The following OPN3 variants were observed in gnomAD, a reference collection of about 807,000 sequenced individuals.
The protein encoded by OPN3 is opsin-3.
Under a neutral mutation model 33.8 loss-of-function variants are expected in OPN3, and 29 were observed. The ratio of observed to expected loss-of-function variants is 0.86; its 90% CI spans 0.64 to 1.17. OPN3 has a LOEUF of 1.17. Ranked by LOEUF, OPN3 falls within the 50% of genes most tolerant of loss-of-function variation. The probability of loss-of-function intolerance (pLI) is 0.00; values close to 1 mark genes in which losing one functional copy is unlikely to be tolerated. For synonymous variants in OPN3, 216 were observed against 216.1 expected (o/e 1.00, Z 0.00); for missense variants, 437 against 514.1 (o/e 0.85, Z 1.45).
chr1:241,602,795 A>G (rs1663710272), intron 2 of OPN3, among the ~76,000 whole-genome samples: 1 of 152,112 alleles, frequency 6.6e-6, no homozygotes, highest in Non-Finnish European at 1.5e-5. Context: ...ATCCCCAAAT[A>G]CTGTCACATC....
intron 1 of OPN3, chr1:241,631,707 T>G (rs1464387481): frequency 1.3e-5 from 2 of 152,176 alleles, no homozygotes; most frequent in Non-Finnish European, 2.9e-5. Flanking sequence ...TTGTTAAAAT[T>G]TAGCCAAATT....
chr1:241,627,530 TAA>T (rs1664455101), intron 1 of OPN3, among the ~76,000 whole-genome samples: 1 of 152,194 alleles, frequency 6.6e-6, no homozygotes, highest in Non-Finnish European at 1.5e-5. Context: ...GAGGATCACA[TAA>T]GAAAATGTAG....
chr1:241,628,860 C>A (rs1469714115), intron 1 of OPN3: 1 of 152,428 alleles, frequency 6.6e-6, no homozygotes, highest in Non-Finnish European at 1.5e-5. Flanking sequence ...GTTCAGTAAA[C>A]CACTTTACCA....
chr1:241,607,673 GAAGA>G (rs1663874748), intron 1 of OPN3, among the ~76,000 whole-genome samples: 1 of 143,216 alleles, frequency 7.0e-6, no homozygotes, highest in African/African-American at 2.6e-5. Flanking sequence ...AAAGAAAAAG[GAAGA>G]AAGAGAGAAA....
At chr1:241,633,841 C>T in intron 1 of OPN3, 1 of 1,613,786 alleles carries the variant, frequency 6.2e-7, no homozygotes, top group Non-Finnish European at 8.5e-7. Flanking sequence ...TTTTGCTTTC[C>T]TCAGAGGATT....
intron 1 of OPN3, among the ~76,000 whole-genome samples, chr1:241,604,865 G>A (rs546753457): frequency 6.6e-6 from 1 of 152,052 alleles, no homozygotes; most frequent in South Asian, 2.1e-4. Context: ...AGACCAGCCT[G>A]GACAACATGG....
chr1:241,612,902 C>T (rs1489314289), intron 1 of OPN3, among the ~76,000 whole-genome samples: 2 of 152,144 alleles, frequency 1.3e-5, no homozygotes, highest in South Asian at 4.1e-4. Context: ...AAAATCCCAA[C>T]CCAGATCTCC....
chr1:241,636,370 T>C (rs1454120323), intron 1 of OPN3, among the ~76,000 whole-genome samples: 1 of 152,216 alleles, frequency 6.6e-6, no homozygotes, highest in East Asian at 1.9e-4. Context: ...AAGAAAACTA[T>C]CATGTGAATA....
chr1:241,626,662 G>A (rs777374107), intron 1 of OPN3, among the ~76,000 whole-genome samples: 12 of 152,060 alleles, frequency 7.9e-5, no homozygotes, highest in Non-Finnish European at 1.8e-4. Flanking sequence ...TACTGCAATG[G>A]TTACACAAGC....
At chr1:241,613,789 GTCT>G (rs939590058) in intron 1 of OPN3, among the ~76,000 whole-genome samples, 3 of 152,076 alleles carry the variant, frequency 2.0e-5, no homozygotes, top group African/African-American at 7.2e-5. Flanking sequence ...ATGTTCAGTA[GTCT>G]TCATATTTCG....
In OPN3 at chr1:241,640,303, G is replaced by C. The variant is rs1198123889; in HGVS notation, c.-49C>G. On this transcript the variant is annotated 5_prime_UTR_variant, in exon 1 of 4. Coordinates refer to ENST00000366554, the MANE Select transcript of OPN3 (RefSeq NM_014322.3). The stretch of plus-strand genomic sequence containing the variant: ...GGGCGGAGGCGCTCAGCTTGCGGCG[G>C]GGCTCGCGGCGCGCTCCGCACTGGG... The C allele has an allele frequency of 9.0e-7, 1 of 1,114,886 alleles. No individual in the cohort carries two copies. The highest frequency in any genetic ancestry group is 5.5e-5 in the East Asian group (1 of 18,136). The allele number at this position is 1,114,886 out of a possible 1,614,324, so 69.1% of individuals were successfully genotyped here.
At chr1:241,633,364 T>C (rs1031381000) in intron 1 of OPN3, 1 of 164,844 alleles carries the variant, frequency 6.1e-6, no homozygotes, top group Admixed American at 5.7e-5. Context: ...CATTTGTGTA[T>C]GTTTCACTAT....
At chr1:241,597,078 C>CTT (rs1663546618) in intron 3 of OPN3, among the ~76,000 whole-genome samples, 1 of 152,124 alleles carries the variant, frequency 6.6e-6, no homozygotes, top group Admixed American at 6.5e-5. Flanking sequence ...AATCCTTCTG[C>CTT]CTCAGCATGC....
intron 1 of OPN3, chr1:241,631,400 T>C (rs1388990897): frequency 6.6e-6 from 1 of 152,118 alleles, no homozygotes; most frequent in Non-Finnish European, 1.5e-5. Flanking sequence ...TTATTTATCA[T>C]CTTATGTATT....
At chr1:241,606,261 T>C (rs1168710778) in intron 1 of OPN3, among the ~76,000 whole-genome samples, 2 of 152,196 alleles carry the variant, frequency 1.3e-5, no homozygotes, top group East Asian at 1.9e-4. Context: ...TTGAGGTTTT[T>C]GGCTGGGCAC....
chr1:241,611,290 C>G (rs746696695), intron 1 of OPN3, among the ~76,000 whole-genome samples: 6 of 151,858 alleles, frequency 4.0e-5, no homozygotes, highest in Non-Finnish European at 8.8e-5. Context: ...AGGCCATGAC[C>G]GAGACCTGTC....
In OPN3 at chr1:241,594,552, T is replaced by C. The variant is rs746672649; in HGVS notation, c.1085A>G (p.Lys362Arg). The change falls in exon 4 of 4, where the codon AAA (lysine) becomes AGA (arginine). Residue 362 changes from lysine to arginine, a missense_variant. Transcript: ENST00000366554. ...MSQKDGDRPKKKVTFNSSSII... is the reference protein window; with the variant it reads ...MSQKDGDRPKRKVTFNSSSII... ...GGAAGAAGAGTTGAAAGTCACTTTT[T>C]TCTTTGGCCTGTCCCCATCTTTCTG... is the stretch of plus-strand genomic sequence containing the variant. 1 of 1,614,040 alleles carries C rather than the reference T, an allele frequency of 6.2e-7. No individual in the cohort carries two copies. The highest frequency in any genetic ancestry group is 1.3e-5 in the African/African-American group (1 of 74,918).
In OPN3 at chr1:241,594,289, A is replaced by G. The variant is rs1663426665; in HGVS notation, c.*139T>C. 2.2e-6 allele frequency: 2 copies of G among 909,592 alleles called. No individual in the cohort carries two copies. Among genetic ancestry groups the G allele is most frequent in the South Asian group, 1.7e-5 (1 of 58,682 alleles). The allele number at this position is 909,592 out of a possible 1,614,324, so 56.3% of individuals were successfully genotyped here. A position where few individuals can be genotyped will look rare whatever the true frequency, so the allele number is the denominator to read the frequency against. On this transcript the variant is annotated 3_prime_UTR_variant, in exon 4 of 4. Transcript: ENST00000366554. The stretch of plus-strand genomic sequence containing the variant: ...ACCTCTTCCTGAGGCCCAAGAGCAT[A>G]TGGGCAATTCGGATTTCCTGCTGGA...
rs759447293 is a variant in OPN3 at position 241,634,663 on chromosome 1, T to C, written c.373+5219A>G. ...ATAAAAAGGGGGTGTTGCCAAACCG[T>C]CCGAGACACTGAAGGAAGTTTTTAG... On this transcript the variant is annotated intron_variant, in intron 1 of 3. Coordinates refer to ENST00000366554, the MANE Select transcript of OPN3 (RefSeq NM_014322.3). 3.1e-6 allele frequency: 5 copies of C among 1,613,906 alleles called. No homozygotes were observed. The South Asian group carries it at 3.3e-5, about 11-fold the overall frequency.
Sources: gnomAD v4.1 joint callset for allele counts (sites outside exome capture counted in the v4.1 genomes callset) on GRCh38, gnomAD v4.1.1 for gene constraint, MANE v1.5 for transcripts, NCBI Gene and HGNC (gene_info 2026-07-23, HGNC 2026-07-21) for gene names.